CFAP91: variants seen among roughly 807,000 people sequenced by gnomAD.
CFAP91 encodes cilia- and flagella-associated protein 91.
CFAP91 carries 85 observed loss-of-function variants against 95.9 expected under a neutral mutation model. The observed-to-expected ratio is 0.89, with a 90% CI of 0.74 to 1.06. The LOEUF (loss-of-function observed/expected upper bound fraction) is 1.06, where lower values mean the gene tolerates loss of function less well. Ranked by LOEUF, CFAP91 falls within the 50% of genes least tolerant of loss-of-function variation. The pLI is 0.00. For synonymous variants in CFAP91, 335 were observed against 327.5 expected, an observed-to-expected ratio of 1.02 and a Z score of -0.25; for missense variants, 962 against 943.4, an observed-to-expected ratio of 1.02 and a Z score of -0.26.
chr3:119,719,782 C>T (rs966831106), intron 6 of CFAP91, among the ~76,000 whole-genome samples: 3 of 152,128 alleles, frequency 2.0e-5, no homozygotes, highest in African/African-American at 4.8e-5. Flanking sequence ...TACGAGAGTG[C>T]TATGAATATC....
At chr3:119,718,711 T>G (rs958834775) in intron 6 of CFAP91, among the ~76,000 whole-genome samples, 19 of 152,186 alleles carry the variant, frequency 1.2e-4, no homozygotes, top group Non-Finnish European at 2.9e-5. Context: ...GTATTGCCTT[T>G]AAGGTGCTGT....
chr3:119,755,686 A>G (rs565297448), intron 17 of CFAP91, among the ~76,000 whole-genome samples: 148 of 152,356 alleles, frequency 9.7e-4, no homozygotes, highest in African/African-American at 3.3e-3. Context: ...AATCTATGGT[A>G]TTTTGTTATG....
At chr3:119,739,387 A>G (rs1247016966) in intron 12 of CFAP91, 61 bp downstream of exon 12, 3 of 1,478,170 alleles carry the variant, frequency 2.0e-6, no homozygotes, top group African/African-American at 1.4e-5. Context: ...TTTAGAATGC[A>G]TATGTGCTTG....
intron 17 of CFAP91, chr3:119,752,158 T>G (rs1036946850): frequency 6.6e-6 from 1 of 152,182 alleles, no homozygotes; most frequent in Admixed American, 6.5e-5. Flanking sequence ...TGCTGCTGTT[T>G]TGCCCTGAAG....
chr3:119,728,280 A>G (rs568331269), intron 7 of CFAP91, among the ~76,000 whole-genome samples: 89 of 152,324 alleles, frequency 5.8e-4, no homozygotes, highest in African/African-American at 2.0e-3. Flanking sequence ...ACAGACCAGC[A>G]GCATCAACAT....
chr3:119,763,890 T>G (rs1003238136), intron 17 of CFAP91, among the ~76,000 whole-genome samples: 2 of 152,030 alleles, frequency 1.3e-5, no homozygotes, highest in Non-Finnish European at 2.9e-5. Flanking sequence ...TTAGGAAGAG[T>G]AAGTTCAAGG....
At position 119,766,997 on chromosome 3, in the gene CFAP91, A is replaced by G. The variant is rs545218084; in HGVS notation, c.*1947A>G. 8.5e-5 allele frequency: 13 copies of G among 152,206 alleles called. No individual in the cohort carries two copies. Among genetic ancestry groups the G allele is most frequent in the Non-Finnish European group, 1.5e-4 (10 of 68,032 alleles). 9.4% of individuals were successfully genotyped at this position (152,206 alleles called of 1,614,324 possible). On this transcript the variant is annotated 3_prime_UTR_variant, in exon 18 of 18. Coordinates refer to ENST00000273390, the MANE Select transcript of CFAP91 (RefSeq NM_033364.4). ...GGAAAACTTTTTCTTGATACCGGCA[A>G]TCTTTTACTTATAATGGCTTGAGTT... is the stretch of plus-strand genomic sequence containing the variant.
At position 119,765,321 on chromosome 3, in the gene CFAP91, G is replaced by A. The variant is rs1035092791; in HGVS notation, c.*271G>A. On this transcript the variant is annotated 3_prime_UTR_variant, in exon 18 of 18. Coordinates refer to ENST00000273390, the MANE Select transcript of CFAP91 (RefSeq NM_033364.4). ...CATTTCAATATTTTGTTAACTATGA[G>A]GATGTGCTGGTTTGTTGAATCAAAC... is the stretch of plus-strand genomic sequence containing the variant. 16 of 152,114 alleles carry A rather than the reference G, an allele frequency of 1.1e-4. No homozygotes were observed. The highest frequency in any genetic ancestry group is 9.8e-4 in the Admixed American group (15 of 15,276). 9.4% of individuals were successfully genotyped at this position (152,114 alleles called of 1,614,324 possible). A position where few individuals can be genotyped will look rare whatever the true frequency, so the allele number is the denominator to read the frequency against.
In CFAP91 at chr3:119,765,869, G is replaced by A. The variant is rs1016735804; in HGVS notation, c.*819G>A. 3.1e-4 allele frequency: 47 copies of A among 152,198 alleles called. 2 individuals carry two copies. The highest frequency in any genetic ancestry group is 5.9e-5 in the Non-Finnish European group (4 of 68,030). The allele number at this position is 152,198 out of a possible 1,614,324, so 9.4% of individuals were successfully genotyped here. On this transcript the variant is annotated 3_prime_UTR_variant, in exon 18 of 18. Transcript: ENST00000273390. ...ATGCTACTCTGAAAACAAAGCTTAT[G>A]TTAGAGAATATCTTACTGTAAGAAA... is the stretch of plus-strand genomic sequence containing the variant.
intron 3 of CFAP91, among the ~76,000 whole-genome samples, chr3:119,708,188 G>A (rs892832899): frequency 4.0e-5 from 6 of 150,326 alleles, no homozygotes; most frequent in Admixed American, 1.3e-4. Flanking sequence ...GGCTGAGGCA[G>A]GAGAATGGCA....
rs1553706268 is a variant in CFAP91, at chr3:119,717,550, G to GGTTTTTTTTTTTT, written c.682+1807_682+1808insGTTTTTTTTTTTT. ...AATATCTGTTAAGTAAAATACGTTG[G>GGTTTTTTTTTTTT]TTTTTTTTTTTTTTTTTTTCACAAA... On this transcript the variant is annotated intron_variant, in intron 6 of 17. Transcript: ENST00000273390. Among the ~76,000 whole-genome samples, 2 of 130,192 alleles carry GGTTTTTTTTTTTT rather than the reference G, an allele frequency of 1.5e-5. 1 individual carries two copies. 85.4% of individuals were successfully genotyped at this position (130,192 alleles called of 152,430 possible). A position where few individuals can be genotyped will look rare whatever the true frequency, so the allele number is the denominator to read the frequency against.
rs72965019 is a variant in CFAP91, at chr3:119,754,698, C to T, written c.*1+3600C>T. Among the ~76,000 whole-genome samples, 355 of 152,354 alleles carry T rather than the reference C, an allele frequency of 2.3e-3. 3 individuals carry two copies. Among genetic ancestry groups the T allele is most frequent in the African/African-American group, 8.2e-3 (342 of 41,586 alleles). On this transcript the variant is annotated intron_variant, in intron 17 of 17. Transcript: ENST00000273390. ...ATCAGGGCCATTGTCCCAGTTTCAA[C>T]AGCCAGGTGGCTTTCACCATGAGCT... is the stretch of plus-strand genomic sequence containing the variant.
chr3:119,716,004 C>T (rs1384958362), intron 6 of CFAP91: 1 of 576,258 alleles, frequency 1.7e-6, no homozygotes, highest in East Asian at 2.8e-5. Flanking sequence ...GCTGACTACT[C>T]ACCTATGTCC....
At chr3:119,730,600 T>TTGTGTGTGTGTGTGTG (rs1559757137) in intron 8 of CFAP91, among the ~76,000 whole-genome samples, 1 of 95,358 alleles carries the variant, frequency 1.0e-5, no homozygotes, top group East Asian at 4.1e-4. Context: ...GTTACTGAGA[T>TTGTGTGTGTGTGTGTG]AGTGTGTGTG....
chr3:119,725,913 A>T (rs1337517868), intron 6 of CFAP91, among the ~76,000 whole-genome samples: 1 of 152,190 alleles, frequency 6.6e-6, no homozygotes, highest in Admixed American at 6.5e-5. Flanking sequence ...TTCAGTAGTC[A>T]CTTAATATTC....
intron 6 of CFAP91, among the ~76,000 whole-genome samples, chr3:119,720,233 A>C (rs1216069515): frequency 2.0e-5 from 2 of 98,042 alleles, no homozygotes; most frequent in African/African-American, 4.1e-5. Context: ...CTAAAAATAC[A>C]AAAAAAAAAA....
At chr3:119,720,887 CATAA>C (rs771670390) in intron 6 of CFAP91, among the ~76,000 whole-genome samples, 5 of 152,046 alleles carry the variant, frequency 3.3e-5, no homozygotes, top group Admixed American at 2.6e-4. Context: ...GTAAATTATA[CATAA>C]ATAGTTATTA....
Position 119,703,139 on chromosome 3 carries a change from C to T in CFAP91, c.41C>T (p.Pro14Leu). Residue 14 changes from proline to leucine, a missense_variant, in exon 1 of 18, where the codon CCG (proline) becomes CTG (leucine). Transcript: ENST00000273390. ...ACCATCGAGGAGCCCCAGGCCCAGC[C>T]GCAGGTGTCTCAAACTCGGTACCGG... ...AVTIEEPQAQ[P>L]QVSQTRYRER... 1.3e-6 allele frequency: 2 copies of T among 1,585,878 alleles called. No homozygotes were observed. Among genetic ancestry groups the T allele is most frequent in the African/African-American group, 1.3e-5 (1 of 74,552 alleles).
At chr3:119,738,332 C>CTTTTT (rs556125660) in intron 11 of CFAP91, among the ~76,000 whole-genome samples, 475 of 23,068 alleles carry the variant, frequency 0.021, 155 homozygotes, top group East Asian at 0.036. Context: ...GACATATTGT[C>CTTTTT]TTTTTTTTTT....
Sources: gnomAD v4.1 joint callset for allele counts (sites outside exome capture counted in the v4.1 genomes callset) on GRCh38, gnomAD v4.1.1 for gene constraint, MANE v1.5 for transcripts, NCBI Gene and HGNC (gene_info 2026-07-23, HGNC 2026-07-21) for gene names.